KIAA0753: variants seen among roughly 807,000 people sequenced by gnomAD.
The protein encoded by KIAA0753 is KIAA0753.
A neutral mutation model predicts 116.9 loss-of-function variants in KIAA0753; 114 were observed. The ratio of observed to expected loss-of-function variants is 0.98; its 90% CI spans 0.84 to 1.14. KIAA0753 has a LOEUF of 1.14. KIAA0753 is among the 50% of genes most tolerant of loss of function. KIAA0753 has a pLI of 0.00. For synonymous variants in KIAA0753, 405 were observed against 413.1 expected, an observed-to-expected ratio of 0.98 and a Z score of 0.24; for missense variants, 1,156 against 1,172.4, an observed-to-expected ratio of 0.99 and a Z score of 0.20.
intron 9 of KIAA0753, 96 bp downstream of exon 9, chr17:6,609,898 C>T: frequency 7.6e-7 from 1 of 1,321,998 alleles, no homozygotes. Flanking sequence ...ATTAAGGCTA[C>T]TACTTAATTT....
intron 7 of KIAA0753, 46 bp downstream of exon 7, chr17:6,620,742 T>C (rs767737424): frequency 1.1e-5 from 18 of 1,577,642 alleles, no homozygotes; most frequent in South Asian, 1.1e-4. Flanking sequence ...GCCCAGATAA[T>C]TGTAATGAAT....
Position 6,608,434 on chromosome 17 carries a change from G to C in KIAA0753, c.1743C>G (p.Pro581=). The C allele has an allele frequency of 6.4e-7, 1 of 1,560,678 alleles. No individual in the cohort carries two copies. Among genetic ancestry groups the C allele is most frequent in the African/African-American group, 1.4e-5 (1 of 72,978 alleles). The change falls in exon 10 of 19, where the codon CCC becomes CCG. Residue 581 remains proline, a synonymous_variant. Coordinates refer to ENST00000361413, the MANE Select transcript of KIAA0753 (RefSeq NM_014804.3). ...GGAGAGGCTCTTTTGTGGCATCTCT[G>C]GGGCTAGTTTTCACCTTTAGCCATG... The part of the protein sequence containing the change: ...CAAWLKVKTS[P]RDATKEPLQQ...
rs1972037147 is a variant in KIAA0753 at position 6,631,845 on chromosome 17, G to A, written c.94-3104C>T. 2.0e-5 allele frequency among the ~76,000 whole-genome samples: 3 copies of A among 152,102 alleles called. No homozygotes were observed. The South Asian group carries it at 6.2e-4, about 32-fold the overall frequency. ...CTCCTTGGATAAATGGTTAATTCCA[G>A]GGCCAGGACAAAGAAAAGACAAGTT... On this transcript the variant is annotated intron_variant, in intron 2 of 18. Coordinates refer to ENST00000361413, the MANE Select transcript of KIAA0753 (RefSeq NM_014804.3).
intron 12 of KIAA0753, among the ~76,000 whole-genome samples, chr17:6,605,362 C>T (rs923046331): frequency 5.9e-5 from 9 of 152,204 alleles, no homozygotes; most frequent in South Asian, 2.1e-4. Context: ...GGCTTCCTCC[C>T]GAAGTCCAGT....
At position 6,590,639 on chromosome 17, in the gene KIAA0753, G is replaced by C; in HGVS notation, c.2441-9C>G. On this transcript the variant is annotated splice_polypyrimidine_tract_variant and intron_variant, in intron 16 of 18. Transcript: ENST00000361413. ...TGCTGAGATTTTTTGGTCTAGAAAA[G>C]GAGGGTCATAAAATGACTGCATATA... 6.2e-7 allele frequency: 1 copy of C among 1,613,380 alleles called. No homozygotes were observed. The highest frequency in any genetic ancestry group is 8.5e-7 in the Non-Finnish European group (1 of 1,179,528).
At chr17:6,628,055 T>A in intron 3 of KIAA0753, 62 bp downstream of exon 3, 1 of 1,476,872 alleles carries the variant, frequency 6.8e-7, no homozygotes, top group Non-Finnish European at 9.2e-7. Context: ...CCTCAAGGAA[T>A]GCATTTAAAC....
In KIAA0753 at chr17:6,628,236, G is replaced by C; in HGVS notation, c.599C>G (p.Pro200Arg). ...TTTGTGGTCACCTATCCTGGGATGA[G>C]GCTGAAGTCCCGGATCATGGGTGGG... Reference protein sequence around the residue: ...SPPTHDPGLQPHPRIGDHKNI... With the variant: ...SPPTHDPGLQRHPRIGDHKNI... Residue 200 changes from proline to arginine, a missense_variant, in exon 3 of 19, where the codon CCT (proline) becomes CGT (arginine). By Grantham distance (103) the Pro-to-Arg change is moderately radical. Coordinates refer to ENST00000361413, the MANE Select transcript of KIAA0753 (RefSeq NM_014804.3). 6.2e-7 allele frequency: 1 copy of C among 1,614,182 alleles called. No homozygotes were observed. Among genetic ancestry groups the C allele is most frequent in the Non-Finnish European group, 8.5e-7 (1 of 1,180,046 alleles).
At chr17:6,628,840 T>C in intron 2 of KIAA0753, 99 bp from the exon 3 acceptor site, 1 of 1,186,048 alleles carries the variant, frequency 8.4e-7, no homozygotes, top group South Asian at 1.6e-5. Flanking sequence ...TGCCACCAGA[T>C]CATTAGTGCT....
chr17:6,621,093 T>C, intron 6 of KIAA0753, 95 bp from the exon 7 acceptor site: 1 of 1,069,834 alleles, frequency 9.3e-7, no homozygotes, highest in South Asian at 1.4e-5. Flanking sequence ...GGGAAATGTG[T>C]TATTAAATGG....
chr17:6,630,892 A>G (rs974158594), intron 2 of KIAA0753, among the ~76,000 whole-genome samples: 14 of 152,220 alleles, frequency 9.2e-5, no homozygotes, highest in Non-Finnish European at 1.2e-4. Context: ...GAAAATATAT[A>G]TACATCTGAA....
intron 16 of KIAA0753, among the ~76,000 whole-genome samples, chr17:6,591,112 C>T (rs1490347307): frequency 6.7e-6 from 1 of 149,314 alleles, no homozygotes; most frequent in African/African-American, 2.5e-5. Flanking sequence ...AAGAAGAAAA[C>T]ACTCACACCT....
In KIAA0753 at chr17:6,622,929, C is replaced by T; in HGVS notation, c.1057G>A (p.Asp353Asn). The change falls in exon 6 of 19, where the codon GAC (aspartate) becomes AAC (asparagine). Residue 353 changes from aspartate to asparagine, a missense_variant. By Grantham distance (23) the Asp-to-Asn change is conservative (BLOSUM62 1). Coordinates refer to ENST00000361413, the MANE Select transcript of KIAA0753 (RefSeq NM_014804.3). ...LSLCSVKLDA[D>N]PSVPDVVIDI... ...ATAACCACATCAGGAACAGAAGGGT[C>T]TGCATCCAGCTTGACAGAACAAAGT... 6.2e-7 allele frequency: 1 copy of T among 1,614,152 alleles called. No homozygotes were observed.
chr17:6,597,762 G>C (rs965809782), intron 14 of KIAA0753, among the ~76,000 whole-genome samples: 4 of 152,194 alleles, frequency 2.6e-5, no homozygotes, highest in Non-Finnish European at 5.9e-5. Flanking sequence ...TCTACAGAGA[G>C]CTGTATTTTA....
At chr17:6,596,961 G>A (rs1969528416) in intron 14 of KIAA0753, among the ~76,000 whole-genome samples, 2 of 152,230 alleles carry the variant, frequency 1.3e-5, no homozygotes, top group African/African-American at 4.8e-5. Context: ...AAGAATGTTT[G>A]CTGGGGGAAT....
At chr17:6,592,806 T>G (rs1275228633) in intron 16 of KIAA0753, among the ~76,000 whole-genome samples, 3 of 152,148 alleles carry the variant, frequency 2.0e-5, no homozygotes, top group Non-Finnish European at 4.4e-5. Flanking sequence ...AAAGAATTGA[T>G]GTTAGACTTT....
rs1971281290 is a variant in KIAA0753 at position 6,620,985 on chromosome 17, A to G, written c.1118T>C (p.Leu373Pro). Reference sequence around the variant, plus strand: ...TTTTGGTGACAGTTTCTTTTCCAGGAGAGATTCCAAAGCCTGCCACAAAAA... The same window carrying G: ...TTTTGGTGACAGTTTCTTTTCCAGGGGAGATTCCAAAGCCTGCCACAAAAA... ...ILQQIEALES[L>P]LEKKLSPKKV... The change falls in exon 7 of 19, where the codon CTC (leucine) becomes CCC (proline). Residue 373 changes from leucine to proline, a missense_variant. Transcript: ENST00000361413. 5.6e-6 allele frequency: 9 copies of G among 1,612,788 alleles called. No individual in the cohort carries two copies. Among genetic ancestry groups the G allele is most frequent in the African/African-American group, 1.3e-5 (1 of 74,892 alleles).
At position 6,635,099 on chromosome 17, in the gene KIAA0753, C is replaced by A; in HGVS notation, c.5G>T (p.Gly2Val). ...ACAGGTTGAAGCTGGCTGGCCTGGTCCCATAATGTCAGGTAGTACAGAACA... is the reference window on the plus strand; with the variant it reads ...ACAGGTTGAAGCTGGCTGGCCTGGTACCATAATGTCAGGTAGTACAGAACA... MGPGQPASTCVH... is the reference protein window; with the variant it reads MVPGQPASTCVH... The change falls in exon 2 of 19, where the codon GGA (glycine) becomes GTA (valine). Residue 2 changes from glycine (G) to valine (V), a missense_variant. By Grantham distance (109) the Gly-to-Val change is moderately radical. Transcript: ENST00000361413. 6.2e-7 allele frequency: 1 copy of A among 1,611,958 alleles called. No individual in the cohort carries two copies. Among genetic ancestry groups the A allele is most frequent in the Non-Finnish European group, 8.5e-7 (1 of 1,178,066 alleles).
intron 1 of KIAA0753, chr17:6,635,858 G>A (rs776223046): frequency 3.9e-5 from 6 of 152,272 alleles, no homozygotes; most frequent in Non-Finnish European, 5.9e-5. Flanking sequence ...TGCCACTCAC[G>A]TACTGATCAC....
Position 6,628,751 on chromosome 17 carries a change from G to C in KIAA0753, c.94-10C>G, listed in dbSNP as rs190688780. On this transcript the variant is annotated splice_polypyrimidine_tract_variant and intron_variant, in intron 2 of 18. Coordinates refer to ENST00000361413, the MANE Select transcript of KIAA0753 (RefSeq NM_014804.3). ...TAAACTGCAGCTGGTTCTTTAAAAA[G>C]CAAATAAAAGTAAGCAGACATCAGA... 4 of 1,571,302 alleles carry C rather than the reference G, an allele frequency of 2.5e-6. No individual in the cohort carries two copies. The highest frequency in any genetic ancestry group is 1.9e-5 in the Admixed American group (1 of 52,462).
Sources: allele counts gnomAD v4.1 joint callset (sites outside exome capture counted in the v4.1 genomes callset), GRCh38; gene constraint gnomAD v4.1.1; transcripts MANE v1.5; gene names NCBI Gene and HGNC (gene_info 2026-07-23, HGNC 2026-07-21).